XPO1: variants seen among roughly 807,000 people sequenced by gnomAD.
XPO1 encodes exportin-1.
A neutral mutation model predicts 133.3 loss-of-function variants in XPO1; 5 were observed. The observed-to-expected ratio is 0.04, with a 90% CI of 0.02 to 0.08. The LOEUF is 0.08. XPO1 is among the 10% of genes least tolerant of loss of function. The pLI, the probability that XPO1 is intolerant of heterozygous loss-of-function variation, is 1.00. For missense variants in XPO1, 506 were observed against 1,267.5 expected (o/e 0.40, Z 9.12); for synonymous variants, 419 against 408.2 (o/e 1.03, Z -0.32).
intron 4 of XPO1, among the ~76,000 whole-genome samples, chr2:61,513,368 T>C (rs1354816077): frequency 2.1e-5 from 3 of 144,612 alleles, no homozygotes; most frequent in Non-Finnish European, 4.6e-5. Flanking sequence ...AATATCTTTT[T>C]TTTTTTTTTT....
chr2:61,493,967 G>C lies in XPO1; in HGVS notation c.1172C>G (p.Ser391Cys). 1 of 1,614,094 alleles carries C rather than the reference G, an allele frequency of 6.2e-7. No individual in the cohort carries two copies. Among genetic ancestry groups the C allele is most frequent in the Non-Finnish European group, 8.5e-7 (1 of 1,180,004 alleles). Residue 391 changes from serine (S) to cysteine (C), a missense_variant, in exon 12 of 25, where the codon TCT becomes TGT. Coordinates refer to ENST00000401558, the MANE Select transcript of XPO1 (RefSeq NM_003400.4). Reference sequence around the variant, plus strand: ...ATGTTGACTTCCAGAAAGCAACGGAGAGGCAGATGTAGAGAATGGACTCTC... The same window carrying C: ...ATGTTGACTTCCAGAAAGCAACGGACAGGCAGATGTAGAGAATGGACTCTC... The part of the protein sequence containing the change: ...YRESPFSTSA[S>C]PLLSGSQHFD...
chr2:61,485,972 AG>A lies in XPO1; in HGVS notation c.2314-11del, dbSNP rs768595957. On this transcript the variant is annotated splice_polypyrimidine_tract_variant and intron_variant, in intron 19 of 24. Coordinates refer to ENST00000401558, the MANE Select transcript of XPO1 (RefSeq NM_003400.4). ...CAAAATTTTCAGCGACCTGTTGGGG[AG>A]GGAAAAAAAAGTTATGTTTTAATTT... The A allele has an allele frequency of 6.3e-7, 1 of 1,596,340 alleles. No homozygotes were observed. The highest frequency in any genetic ancestry group is 2.3e-5 in the East Asian group (1 of 44,340).
At chr2:61,479,713 C>T (rs1696242302) in intron 24 of XPO1, among the ~76,000 whole-genome samples, 1 of 152,024 alleles carries the variant, frequency 6.6e-6, no homozygotes, top group South Asian at 2.1e-4. Context: ...TTACAGGCAC[C>T]ACCACATCTG....
Position 61,502,484 on chromosome 2 carries a change from T to C in XPO1, c.302-174A>G, listed in dbSNP as rs556978357. 15 of 570,864 alleles carry C rather than the reference T, an allele frequency of 2.6e-5. No homozygotes were observed. In the African/African-American group the frequency reaches 2.7e-4, roughly 10 times the overall value. The allele number at this position is 570,864 out of a possible 1,614,324, so 35.4% of individuals were successfully genotyped here. The stretch of plus-strand genomic sequence containing the variant: ...AAAAATTCCGGCCCGGTGCGGTGGC[T>C]CACGCTTGTAATCCCAGCAATTCTT... On this transcript the variant is annotated intron_variant, in intron 4 of 24. Transcript: ENST00000401558.
intron 6 of XPO1, 51 bp from the exon 7 acceptor site, chr2:61,499,945 A>G (rs1697420505): frequency 1.3e-6 from 2 of 1,549,814 alleles, no homozygotes; most frequent in African/African-American, 1.4e-5. Context: ...AAAGGCAAAT[A>G]AAACAAACTT....
At position 61,478,715 on chromosome 2, in the gene XPO1, G is replaced by A; in HGVS notation, c.*105C>T. On this transcript the variant is annotated 3_prime_UTR_variant, in exon 25 of 25. Transcript: ENST00000401558. ...CACATAAGAAAAAGGGCCACTAGGT[G>A]ACATTTTAATTTACAAATTGGCATC... 8.2e-7 allele frequency: 1 copy of A among 1,214,580 alleles called. No individual in the cohort carries two copies. Among genetic ancestry groups the A allele is most frequent in the South Asian group, 1.7e-5 (1 of 60,058 alleles). 75.2% of individuals were successfully genotyped at this position (1,214,580 alleles called of 1,614,324 possible).
intron 16 of XPO1, 23 bp from the exon 17 acceptor site, chr2:61,490,799 T>C (rs746693818): frequency 2.4e-5 from 39 of 1,608,982 alleles, no homozygotes; most frequent in Non-Finnish European, 3.1e-5. Flanking sequence ...GCAGACATTT[T>C]AACGTTTATG....
chr2:61,494,013 A>G lies in XPO1; in HGVS notation c.1126T>C (p.Leu376=). 3 of 1,614,130 alleles carry G rather than the reference A, an allele frequency of 1.9e-6. No individual in the cohort carries two copies. The highest frequency in any genetic ancestry group is 2.5e-6 in the Non-Finnish European group (3 of 1,180,000). ...FKICLEYWNH[L]AAELYRESPF... is the part of the protein sequence containing the mutation. ...CTCTCTCTATAGAGTTCAGCAGCCA[A>G]ATGATTCCAGTATTCAAGACAAATT... Residue 376 remains leucine (L), a synonymous_variant, in exon 12 of 25, where the codon TTG becomes CTG. Coordinates refer to ENST00000401558, the MANE Select transcript of XPO1 (RefSeq NM_003400.4).
At chr2:61,528,733 TTATATATATATATATATATATATATA>T (rs10528074) in intron 2 of XPO1, among the ~76,000 whole-genome samples, 39,015 of 116,222 alleles carry the variant, frequency 0.34, 6,874 homozygotes, top group South Asian at 0.57. Context: ...GACATTTTAT[TTATATATATATATATATATATATATA>T]TATATATATA....
At chr2:61,514,388 C>G (rs1034800064) in intron 4 of XPO1, among the ~76,000 whole-genome samples, 1 of 151,530 alleles carries the variant, frequency 6.6e-6, no homozygotes, top group Non-Finnish European at 1.5e-5. Flanking sequence ...GTCAGGAGTT[C>G]GAGACCATCC....
At chr2:61,483,770 G>C (rs999274309) in intron 21 of XPO1, 167 bp downstream of exon 21, 46 of 696,950 alleles carry the variant, frequency 6.6e-5, no homozygotes, top group Non-Finnish European at 1.0e-4. Context: ...CTCACTTGGA[G>C]TGGAGTGGAA....
At chr2:61,511,654 C>A (rs1385388229) in intron 4 of XPO1, among the ~76,000 whole-genome samples, 1 of 152,214 alleles carries the variant, frequency 6.6e-6, no homozygotes, top group Non-Finnish European at 1.5e-5. Flanking sequence ...TCAAGAGAGC[C>A]TCCCAAACTG....
chr2:61,490,202 TA>T (rs1260708939), intron 17 of XPO1, among the ~76,000 whole-genome samples: 1 of 89,980 alleles, frequency 1.1e-5, no homozygotes, highest in Non-Finnish European at 2.4e-5. Flanking sequence ...ATTTTTCATT[TA>T]TTTTTTTTTT....
rs1441099983 is a variant in XPO1 at position 61,492,693 on chromosome 2, A to C, written c.1440T>G (p.Leu480=). The C allele has an allele frequency of 1.9e-6, 3 of 1,613,850 alleles. No individual in the cohort carries two copies. In the South Asian group the frequency reaches 3.3e-5, roughly 18 times the overall value. ...VDTERIMTEK[L]HNQVNGTEWS... is the part of the protein sequence containing the mutation. ...ACTCTGTACCATTCACTTGATTGTG[A>C]AGCTTCTCTGTCATTATTCTTTCTG... Residue 480 remains leucine, a synonymous_variant, in exon 14 of 25, where the codon CTT becomes CTG. Transcript: ENST00000401558. The surrounding 1 kb of genome is among the most constrained non-coding windows in gnomAD (Gnocchi z 5.6).
At position 61,518,414 on chromosome 2, in the gene XPO1, C is replaced by CAA. The variant is rs139158218; in HGVS notation, c.301+4195_301+4196dup. ...AAAAAAAAAAACAAAAAACAAAAAA[C>CAA]AAAACACACACACACACACACACAC... On this transcript the variant is annotated intron_variant, in intron 4 of 24. Coordinates refer to ENST00000401558, the MANE Select transcript of XPO1 (RefSeq NM_003400.4). Among the ~76,000 whole-genome samples the CAA allele has an allele frequency of 1.8e-4, 15 of 85,614 alleles. No homozygotes were observed. In the East Asian group the frequency reaches 2.5e-3, roughly 14 times the overall value. 56.2% of individuals were successfully genotyped at this position (85,614 alleles called of 152,430 possible).
chr2:61,513,693 T>A (rs1055099875), intron 4 of XPO1, among the ~76,000 whole-genome samples: 2 of 151,806 alleles, frequency 1.3e-5, no homozygotes, highest in Non-Finnish European at 2.9e-5. Context: ...ACAAAAAACA[T>A]CAACTATATA....
At chr2:61,489,458 C>T (rs975535402) in intron 17 of XPO1, among the ~76,000 whole-genome samples, 1 of 151,520 alleles carries the variant, frequency 6.6e-6, no homozygotes, top group African/African-American at 2.4e-5. Flanking sequence ...AAAGCCATTA[C>T]GCTTCCCTTA....
At chr2:61,514,046 G>A (rs1698230563) in intron 4 of XPO1, among the ~76,000 whole-genome samples, 1 of 152,050 alleles carries the variant, frequency 6.6e-6, no homozygotes, top group Non-Finnish European at 1.5e-5. Context: ...AAGTAGCAGG[G>A]CGTGGTGGTG....
intron 2 of XPO1, among the ~76,000 whole-genome samples, chr2:61,529,887 G>A (rs772461555): frequency 1.3e-5 from 2 of 152,158 alleles, no homozygotes; most frequent in Non-Finnish European, 2.9e-5. Context: ...TCAGACGCCT[G>A]CTTCCATTGT....
Sources: allele counts gnomAD v4.1 joint callset (sites outside exome capture counted in the v4.1 genomes callset), GRCh38; gene constraint gnomAD v4.1.1; non-coding constraint Gnocchi (gnomAD v3.1); transcripts MANE v1.5; gene names NCBI Gene and HGNC (gene_info 2026-07-23, HGNC 2026-07-21).